SLC24A2: variants seen among roughly 807,000 people sequenced by gnomAD.
SLC24A2 encodes the protein solute carrier family 24 member 2, also known as sodium/potassium/calcium exchanger 2.
SLC24A2 carries 36 observed loss-of-function variants against 62.0 expected under a neutral mutation model. The ratio of observed to expected loss-of-function variants is 0.58; its 90% CI spans 0.44 to 0.77. The LOEUF (loss-of-function observed/expected upper bound fraction) is 0.77, where lower values mean the gene tolerates loss of function less well. SLC24A2 is among the 30% of genes least tolerant of loss of function. The probability of loss-of-function intolerance (pLI) is 0.00; values close to 1 mark genes in which losing one functional copy is unlikely to be tolerated. For synonymous variants in SLC24A2, 358 were observed against 294.0 expected, an observed-to-expected ratio of 1.22 and a Z score of -2.23; for missense variants, 846 against 817.9, an observed-to-expected ratio of 1.03 and a Z score of -0.42.
At chr9:20,266,926 A>T in the SLC24A2 span, among the ~76,000 whole-genome samples, 4 of 152,172 alleles carry the variant, frequency 2.6e-5, no homozygotes. Context: ...AAACTAAATT[A>T]AAATAATCAG....
chr9:20,107,745 A>C, the SLC24A2 span, among the ~76,000 whole-genome samples: 1 of 151,626 alleles, frequency 6.6e-6, no homozygotes, highest in Admixed American at 6.6e-5. Context: ...AAAAACCCTA[A>C]AAGAAAACCT....
At chr9:20,281,734 T>C in the SLC24A2 span, among the ~76,000 whole-genome samples, 1 of 152,200 alleles carries the variant, frequency 6.6e-6, no homozygotes, top group African/African-American at 2.4e-5. Context: ...ATAATGGACA[T>C]TTGGGTTGTC....
chr9:19,711,749 T>C (rs1449857629), intron 2 of SLC24A2, among the ~76,000 whole-genome samples: 1 of 152,076 alleles, frequency 6.6e-6, no homozygotes, highest in Non-Finnish European at 1.5e-5. Flanking sequence ...GAAAACAGAG[T>C]CACTGAGTAA....
chr9:19,788,936 C>T lies in SLC24A2; in HGVS notation c.-205G>A, dbSNP rs971710443. The T allele has an allele frequency of 2.4e-5, 24 of 985,074 alleles. No homozygotes were observed. The African/African-American group carries it at 3.7e-4, about 15-fold the overall frequency. 61.0% of individuals were successfully genotyped at this position (985,074 alleles called of 1,614,324 possible). On this transcript the variant is annotated 5_prime_UTR_variant, in exon 1 of 11. Coordinates refer to ENST00000341998, the MANE Select transcript of SLC24A2 (RefSeq NM_020344.4). ...CGGCGGGGCCCCCGAGCGCGGCCCG[C>T]CGCTCCAGTCCGCCGGCCCTCCGCC...
the SLC24A2 span, among the ~76,000 whole-genome samples, chr9:20,097,967 C>A: frequency 2.6e-5 from 4 of 151,888 alleles, no homozygotes; most frequent in African/African-American, 9.7e-5. Flanking sequence ...TGGTCTCGAT[C>A]TCCTGACCTC....
At chr9:20,153,969 T>A in the SLC24A2 span, among the ~76,000 whole-genome samples, 1 of 151,934 alleles carries the variant, frequency 6.6e-6, no homozygotes. Context: ...ATTAAGCAGC[T>A]CTTTGCAGAT....
chr9:19,747,690 C>T (rs976694062), intron 2 of SLC24A2, among the ~76,000 whole-genome samples: 4 of 152,144 alleles, frequency 2.6e-5, no homozygotes, highest in Admixed American at 2.6e-4. Context: ...TATATTTCTA[C>T]CTGCTCCATG....
the SLC24A2 span, among the ~76,000 whole-genome samples, chr9:20,203,696 G>A: frequency 6.7e-6 from 1 of 149,742 alleles, no homozygotes; most frequent in Non-Finnish European, 1.5e-5. Flanking sequence ...AAAAAAAAAA[G>A]AAGAAGAAAG....
At chr9:20,116,060 G>A in the SLC24A2 span, among the ~76,000 whole-genome samples, 3 of 152,158 alleles carry the variant, frequency 2.0e-5, no homozygotes, top group East Asian at 5.8e-4. Flanking sequence ...AGCCACACAG[G>A]ACAGGGCAGA....
chr9:20,229,102 A>C, the SLC24A2 span, among the ~76,000 whole-genome samples: 1 of 152,248 alleles, frequency 6.6e-6, no homozygotes, highest in South Asian at 2.1e-4. Context: ...AGGGGAGTAC[A>C]TACAATCCAT....
the SLC24A2 span, among the ~76,000 whole-genome samples, chr9:20,259,867 C>T: frequency 5.9e-5 from 9 of 152,146 alleles, no homozygotes; most frequent in Non-Finnish European, 1.5e-5. Flanking sequence ...GGTGGGAGGA[C>T]TGCTTGAGCC....
chr9:20,227,285 A>G, the SLC24A2 span, among the ~76,000 whole-genome samples: 1 of 152,074 alleles, frequency 6.6e-6, no homozygotes, highest in Non-Finnish European at 1.5e-5. Flanking sequence ...TGATTTGTTT[A>G]TGGTTTCTTT....
chr9:19,622,394 G>C, intron 2 of SLC24A2, 95 bp from the exon 3 acceptor site: 3 of 1,260,154 alleles, frequency 2.4e-6, no homozygotes, highest in South Asian at 2.5e-5. Flanking sequence ...CATCAGTATA[G>C]GGGAAGATTT....
At chr9:20,218,030 T>A in the SLC24A2 span, among the ~76,000 whole-genome samples, 12 of 152,346 alleles carry the variant, frequency 7.9e-5, no homozygotes, top group Non-Finnish European at 1.8e-4. Context: ...TCTTTGGGTA[T>A]GATCTGTGGA....
At chr9:19,802,013 A>G in the SLC24A2 span, among the ~76,000 whole-genome samples, 1 of 152,212 alleles carries the variant, frequency 6.6e-6, no homozygotes, top group South Asian at 2.1e-4. Flanking sequence ...AAATACTTCT[A>G]TACCACTTGG....
the SLC24A2 span, among the ~76,000 whole-genome samples, chr9:19,836,072 A>G: frequency 6.6e-6 from 1 of 152,192 alleles, no homozygotes; most frequent in African/African-American, 2.4e-5. Context: ...GACACATTCA[A>G]AGCAGTGTGT....
chr9:20,195,534 C>T, the SLC24A2 span, among the ~76,000 whole-genome samples: 1 of 152,044 alleles, frequency 6.6e-6, no homozygotes, highest in Non-Finnish European at 1.5e-5. Context: ...TGGTTGTCTG[C>T]CTTTTTCTCT....
chr9:20,015,155 C>T, the SLC24A2 span, among the ~76,000 whole-genome samples: 1 of 152,116 alleles, frequency 6.6e-6, no homozygotes, highest in Admixed American at 6.5e-5. Context: ...CTCTTGTGTC[C>T]CATCTTCATG....
chr9:19,518,061 T>C (rs576210949), intron 10 of SLC24A2, among the ~76,000 whole-genome samples: 1 of 152,282 alleles, frequency 6.6e-6, no homozygotes, highest in Admixed American at 6.5e-5. Context: ...CTATTAATTC[T>C]ATCGTCAAGA....
Sources: allele counts gnomAD v4.1 joint callset (sites outside exome capture counted in the v4.1 genomes callset), GRCh38; gene constraint gnomAD v4.1.1; transcripts MANE v1.5; gene names NCBI Gene and HGNC (gene_info 2026-07-23, HGNC 2026-07-21).